THRB: variants seen among roughly 807,000 people sequenced by gnomAD.
THRB encodes thyroid hormone receptor beta.
THRB carries 12 observed loss-of-function variants against 47.8 expected under a neutral mutation model. The ratio of observed to expected loss-of-function variants is 0.25; its 90% CI spans 0.16 to 0.41. The LOEUF (loss-of-function observed/expected upper bound fraction) is 0.41. Among genes scored for constraint, THRB ranks in the 10% least tolerant of loss-of-function variants. The pLI, the probability that THRB is intolerant of heterozygous loss-of-function variation, is 1.00. For synonymous variants in THRB, 218 were observed against 212.2 expected (o/e 1.03, Z -0.24); for missense variants, 348 against 589.2 (o/e 0.59, Z 4.24).
intron 1 of THRB, among the ~76,000 whole-genome samples, chr3:24,446,820 A>G (rs542454101): frequency 4.6e-5 from 7 of 152,180 alleles, no homozygotes; most frequent in Non-Finnish European, 8.8e-5. Context: ...GAAACTTGTG[A>G]ATAAGTTACT....
chr3:24,457,184 C>T (rs764291445), intron 1 of THRB, among the ~76,000 whole-genome samples: 3 of 152,044 alleles, frequency 2.0e-5, no homozygotes, highest in Non-Finnish European at 2.9e-5. Flanking sequence ...ATATAGTCAC[C>T]CTAACTAAGC....
intron 1 of THRB, among the ~76,000 whole-genome samples, chr3:24,392,041 G>A (rs900402870): frequency 6.6e-6 from 1 of 152,050 alleles, no homozygotes; most frequent in Admixed American, 6.6e-5. Flanking sequence ...TGGCGACCCC[G>A]CTGAGAATTT....
intron 3 of THRB, among the ~76,000 whole-genome samples, chr3:24,237,397 T>C (rs1175924629): frequency 6.6e-6 from 1 of 152,228 alleles, no homozygotes; most frequent in East Asian, 1.9e-4. Context: ...GATATTTCTT[T>C]TTATTCTTAG....
chr3:24,353,885 T>C (rs2063509581), intron 1 of THRB, among the ~76,000 whole-genome samples: 1 of 152,216 alleles, frequency 6.6e-6, no homozygotes, highest in East Asian at 1.9e-4. Context: ...TTGCTAAGCA[T>C]TGCTAAAATT....
chr3:24,445,038 A>G (rs926582009), intron 1 of THRB, among the ~76,000 whole-genome samples: 2 of 152,158 alleles, frequency 1.3e-5, no homozygotes, highest in Admixed American at 1.3e-4. Context: ...TGGGATATAT[A>G]AACTATAATA....
chr3:24,341,798 T>G (rs192349359), intron 1 of THRB, among the ~76,000 whole-genome samples: 1 of 152,148 alleles, frequency 6.6e-6, no homozygotes, highest in Non-Finnish European at 1.5e-5. Context: ...GTGATTGCCA[T>G]GAGAATATGC....
At chr3:24,261,516 AAAC>A (rs796262822) in intron 3 of THRB, among the ~76,000 whole-genome samples, 6 of 142,394 alleles carry the variant, frequency 4.2e-5, no homozygotes, top group South Asian at 2.1e-4. Context: ...AAAAAAAAAA[AAAC>A]CAAAAAAAAC....
chr3:24,406,126 T>C (rs1452961040), intron 1 of THRB, among the ~76,000 whole-genome samples: 5 of 151,796 alleles, frequency 3.3e-5, no homozygotes, highest in Middle Eastern at 3.4e-3. Context: ...TACAGACAAA[T>C]GGAGATTTGT....
chr3:24,134,965 T>C (rs978678518), intron 8 of THRB, among the ~76,000 whole-genome samples: 2 of 152,180 alleles, frequency 1.3e-5, no homozygotes, highest in African/African-American at 4.8e-5. Context: ...TAGCCTAACA[T>C]AGTGGCCCCC....
chr3:24,375,305 T>C (rs1327692712), intron 1 of THRB, among the ~76,000 whole-genome samples: 1 of 147,478 alleles, frequency 6.8e-6, no homozygotes, highest in African/African-American at 2.5e-5. Flanking sequence ...AGAAATATAA[T>C]ATTAATATAT....
At chr3:24,373,220 G>C (rs1198965044) in intron 1 of THRB, among the ~76,000 whole-genome samples, 1 of 152,114 alleles carries the variant, frequency 6.6e-6, no homozygotes, top group Non-Finnish European at 1.5e-5. Context: ...TTTGGTGAGA[G>C]TTACTGGCTC....
At chr3:24,168,490 A>AATATATATATATATATATATATATATAT (rs370230507) in intron 5 of THRB, among the ~76,000 whole-genome samples, 84 of 137,954 alleles carry the variant, frequency 6.1e-4, no homozygotes, top group African/African-American at 1.5e-3. Flanking sequence ...TTCAATCAAT[A>AATATATATATATATATATATATATATAT]ATATATATAT....
intron 1 of THRB, among the ~76,000 whole-genome samples, chr3:24,350,111 TA>T (rs1447433170): frequency 2.6e-5 from 4 of 152,054 alleles, no homozygotes; most frequent in Non-Finnish European, 5.9e-5. Flanking sequence ...AACCAACATA[TA>T]AAAAGTGCTC....
intron 1 of THRB, among the ~76,000 whole-genome samples, chr3:24,416,209 G>A (rs547326523): frequency 1.6e-4 from 25 of 151,856 alleles, no homozygotes; most frequent in South Asian, 6.2e-4. Flanking sequence ...GTAAGGAGTA[G>A]ATACAACAAA....
chr3:24,203,892 C>A (rs111343540), intron 4 of THRB, among the ~76,000 whole-genome samples: 2 of 152,350 alleles, frequency 1.3e-5, no homozygotes, highest in South Asian at 2.1e-4. Flanking sequence ...CCCACGCCCA[C>A]GGAGCCTTGC....
At chr3:24,216,691 G>A (rs1231824986) in intron 4 of THRB, among the ~76,000 whole-genome samples, 1 of 152,124 alleles carries the variant, frequency 6.6e-6, no homozygotes, top group Admixed American at 6.5e-5. Flanking sequence ...CTCTTGCTCA[G>A]TCATGTTTAT....
intron 1 of THRB, among the ~76,000 whole-genome samples, chr3:24,376,645 C>CAA (rs11391652): frequency 9.9e-5 from 15 of 151,598 alleles, no homozygotes; most frequent in African/African-American, 3.4e-4. Flanking sequence ...GCTGAGACTC[C>CAA]AAAAAAAGGC....
chr3:24,281,442 A>T (rs2054595879), intron 3 of THRB, among the ~76,000 whole-genome samples: 1 of 152,174 alleles, frequency 6.6e-6, no homozygotes, highest in Admixed American at 6.5e-5. Context: ...AGGAAGTGCT[A>T]AACATGGAAA....
At chr3:24,144,194 G>A in intron 7 of THRB, 1 of 180,334 alleles carries the variant, frequency 5.5e-6, no homozygotes, top group Admixed American at 5.3e-5. Flanking sequence ...GTAAGTGGGA[G>A]GCTCGTGATC....
Sources: gnomAD v4.1 joint callset for allele counts (sites outside exome capture counted in the v4.1 genomes callset) on GRCh38, gnomAD v4.1.1 for gene constraint, MANE v1.5 for transcripts, NCBI Gene and HGNC (gene_info 2026-07-23, HGNC 2026-07-21) for gene names.